Variants in KANK4 observed in about 807,000 individuals in gnomAD.
The protein encoded by KANK4 is KN motif and ankyrin repeat domains 4.
A neutral mutation model predicts 80.8 loss-of-function variants in KANK4; 50 were observed. That is an observed-to-expected ratio of 0.62 (90% CI 0.49 to 0.78). The LOEUF (loss-of-function observed/expected upper bound fraction) is 0.78, where lower values mean the gene tolerates loss of function less well. Among genes scored for constraint, KANK4 ranks in the 30% least tolerant of loss-of-function variants. KANK4 has a pLI of 0.00. For missense variants in KANK4, 1,196 were observed against 1,240.1 expected (o/e 0.96, Z 0.53); for synonymous variants, 465 against 506.9 (o/e 0.92, Z 1.11).
At chr1:62,276,343 G>A (rs1002823112) in intron 2 of KANK4, among the ~76,000 whole-genome samples, 4 of 152,184 alleles carry the variant, frequency 2.6e-5, no homozygotes, top group Non-Finnish European at 4.4e-5. Flanking sequence ...AGGAGAGAAC[G>A]TTAATGGAGA....
In KANK4 at chr1:62,263,274, C is replaced by A. The variant is rs374086260; in HGVS notation, c.2357G>T (p.Arg786Leu). The A allele has an allele frequency of 6.2e-7, 1 of 1,613,386 alleles. No individual in the cohort carries two copies. The highest frequency in any genetic ancestry group is 1.1e-5 in the South Asian group (1 of 90,902). The part of the protein sequence containing the change: ...SLNTISQEWF[R>L]VSSRKSSSPA... ...GCTAGACGACTTCCGGCTGGAGACG[C>A]GGAACCACTCTTGACTGATGGTGTT... is the stretch of plus-strand genomic sequence containing the variant. The change falls in exon 7 of 10, where the codon CGC becomes CTC. Residue 786 changes from arginine (R) to leucine (L), a missense_variant. Transcript: ENST00000371153.
At chr1:62,245,477 T>A (rs2149116746) in intron 9 of KANK4, among the ~76,000 whole-genome samples, 1 of 152,304 alleles carries the variant, frequency 6.6e-6, no homozygotes, top group Non-Finnish European at 1.5e-5. Flanking sequence ...GTGCTGTCCC[T>A]GGGCAGGGAG....
chr1:62,294,746 C>A (rs777583990), intron 1 of KANK4, among the ~76,000 whole-genome samples: 2 of 152,182 alleles, frequency 1.3e-5, no homozygotes, highest in Non-Finnish European at 2.9e-5. Flanking sequence ...TGACAAGAAG[C>A]GGACATGTGT....
chr1:62,239,848 C>T (rs1671297453), intron 9 of KANK4, among the ~76,000 whole-genome samples: 2 of 152,208 alleles, frequency 1.3e-5, no homozygotes, highest in South Asian at 4.1e-4. Flanking sequence ...ATGAACTCAT[C>T]CTTTTTCATG....
At chr1:62,246,783 CAG>C (rs1018296499) in intron 9 of KANK4, among the ~76,000 whole-genome samples, 2 of 147,646 alleles carry the variant, frequency 1.4e-5, no homozygotes, top group African/African-American at 2.5e-5. Flanking sequence ...TTTTTTGAGA[CAG>C]AGTTTCATGT....
At chr1:62,280,341 G>A (rs948437172) in intron 2 of KANK4, among the ~76,000 whole-genome samples, 1 of 152,210 alleles carries the variant, frequency 6.6e-6, no homozygotes, top group Non-Finnish European at 1.5e-5. Flanking sequence ...TCCCCAGTGT[G>A]CTGAGAAGGG....
intron 1 of KANK4, among the ~76,000 whole-genome samples, chr1:62,311,949 AG>A (rs1365325715): frequency 1.3e-5 from 2 of 152,148 alleles, no homozygotes; most frequent in Admixed American, 6.5e-5. Context: ...AGGGTGAGGG[AG>A]GGTAGGAAAT....
chr1:62,287,566 G>T (rs1571024446), intron 1 of KANK4, among the ~76,000 whole-genome samples: 2 of 152,156 alleles, frequency 1.3e-5, no homozygotes, highest in East Asian at 3.9e-4. Flanking sequence ...ATTTATCCTT[G>T]CATCAATGCT....
At chr1:62,248,451 A>G (rs1303578969) in intron 8 of KANK4, among the ~76,000 whole-genome samples, 1 of 151,918 alleles carries the variant, frequency 6.6e-6, no homozygotes, top group South Asian at 2.1e-4. Context: ...TCACTGCAGC[A>G]TCAGTCTTCT....
At chr1:62,294,948 G>A (rs1224155312) in intron 1 of KANK4, among the ~76,000 whole-genome samples, 1 of 152,228 alleles carries the variant, frequency 6.6e-6, no homozygotes, top group East Asian at 1.9e-4. Flanking sequence ...TACAAAGGAA[G>A]GTTATATATT....
rs112609973 is a variant in KANK4, at chr1:62,292,706, A to G, written c.-70-11072T>C. 5.7e-3 allele frequency among the ~76,000 whole-genome samples: 871 copies of G among 152,280 alleles called. 5 individuals are homozygous for G. Among genetic ancestry groups the G allele is most frequent in the African/African-American group, 0.02 (811 of 41,568 alleles). ...GAAAGGCTTCAGAAATCTCAGTTTG[A>G]TATATCTGGACATGTTTTGGATCAC... is the stretch of plus-strand genomic sequence containing the variant. On this transcript the variant is annotated intron_variant, in intron 1 of 9. Transcript: ENST00000371153.
chr1:62,262,572 A>G (rs906375699), intron 7 of KANK4, among the ~76,000 whole-genome samples: 1 of 152,134 alleles, frequency 6.6e-6, no homozygotes, highest in African/African-American at 2.4e-5. Context: ...AATGTTATAT[A>G]TATAAAAAAT....
At position 62,236,221 on chromosome 1, in the gene KANK4, CAA is replaced by C. The variant is rs1005132365; in HGVS notation, c.*2054_*2055del. On this transcript the variant is annotated 3_prime_UTR_variant, in exon 10 of 10. Transcript: ENST00000371153. ...AAGGATAGGCCAGAGGCTTGCTACT[CAA>C]AGTGTGGTTGTGGCTCGATAGCATC... Among the ~76,000 whole-genome samples, 1 of 152,176 alleles carries C rather than the reference CAA, an allele frequency of 6.6e-6. No individual in the cohort carries two copies. The highest frequency in any genetic ancestry group is 2.4e-5 in the African/African-American group (1 of 41,446).
intron 7 of KANK4, among the ~76,000 whole-genome samples, chr1:62,253,701 C>CG (rs1671683716): frequency 6.6e-6 from 1 of 152,148 alleles, no homozygotes; most frequent in African/African-American, 2.4e-5. Context: ...CATGAGCCAC[C>CG]GCGCCCAGCC....
chr1:62,312,563 T>C (rs1644505870), intron 1 of KANK4, among the ~76,000 whole-genome samples: 1 of 152,178 alleles, frequency 6.6e-6, no homozygotes, highest in Non-Finnish European at 1.5e-5. Flanking sequence ...TTGAAGAATC[T>C]CCACCCACAC....
chr1:62,296,361 C>T (rs1472857800), intron 1 of KANK4, among the ~76,000 whole-genome samples: 1 of 152,192 alleles, frequency 6.6e-6, no homozygotes, highest in Non-Finnish European at 1.5e-5. Flanking sequence ...CTGCCAGCCT[C>T]TCTCTGGCCC....
chr1:62,285,993 A>G (rs527811606), intron 1 of KANK4, among the ~76,000 whole-genome samples: 26 of 152,338 alleles, frequency 1.7e-4, no homozygotes, highest in African/African-American at 5.8e-4. Flanking sequence ...GATTCTGCCA[A>G]CTGAGTTCTC....
intron 9 of KANK4, among the ~76,000 whole-genome samples, chr1:62,244,807 T>C (rs1049517491): frequency 5.3e-5 from 8 of 152,166 alleles, no homozygotes; most frequent in African/African-American, 1.4e-4. Flanking sequence ...CGTCCTGACT[T>C]GGCCTCCCAA....
At chr1:62,266,912 A>T in intron 5 of KANK4, 93 bp from the exon 6 acceptor site, 1 of 833,458 alleles carries the variant, frequency 1.2e-6, no homozygotes, top group Non-Finnish European at 1.9e-6. Context: ...ACATCTCAGC[A>T]GCTCAAAAAT....
Sources: gnomAD v4.1 joint callset for allele counts (sites outside exome capture counted in the v4.1 genomes callset) on GRCh38, gnomAD v4.1.1 for gene constraint, MANE v1.5 for transcripts, NCBI Gene and HGNC (gene_info 2026-07-23, HGNC 2026-07-21) for gene names.